PCLO: variants seen among roughly 807,000 people sequenced by gnomAD.
PCLO encodes piccolo presynaptic cytomatrix protein.
PCLO carries 82 observed loss-of-function variants against 427.5 expected under a neutral mutation model. The observed-to-expected ratio is 0.19, with a 90% CI of 0.16 to 0.23. The LOEUF (loss-of-function observed/expected upper bound fraction) is 0.23, where lower values mean the gene tolerates loss of function less well. Ranked by LOEUF, PCLO falls within the 10% of genes least tolerant of loss-of-function variation. The pLI, the probability that PCLO is intolerant of heterozygous loss-of-function variation, is 1.00. For synonymous variants in PCLO, 2,357 were observed against 2,155.4 expected (o/e 1.09, Z -2.59); for missense variants, 6,239 against 6,115.9 (o/e 1.02, Z -0.67).
intron 3 of PCLO, among the ~76,000 whole-genome samples, chr7:83,052,250 G>C (rs544670936): frequency 6.6e-6 from 1 of 152,044 alleles, no homozygotes; most frequent in South Asian, 2.1e-4. Flanking sequence ...TGGCCAGGGA[G>C]AGAGTGAGAT....
Position 83,156,317 on chromosome 7 carries a change from A to G in PCLO, c.324T>C (p.Pro108=). 1 of 1,613,420 alleles carries G rather than the reference A, an allele frequency of 6.2e-7. No individual in the cohort carries two copies. Among genetic ancestry groups the G allele is most frequent in the Non-Finnish European group, 8.5e-7 (1 of 1,179,694 alleles). The stretch of plus-strand genomic sequence containing the variant: ...CTGTAGTTCTACTTTTACTGAGACC[A>G]GGTTGAGCTGGACGCCCAGGGTCCG... ...RPPDPGRPAQ[P]GLSKSRTTDT... Residue 108 remains proline (P), a synonymous_variant, in exon 2 of 25, where the codon CCT becomes CCC. Coordinates refer to ENST00000333891, the MANE Select transcript of PCLO (RefSeq NM_033026.6).
At chr7:82,809,093 G>C (rs914297959) in intron 20 of PCLO, among the ~76,000 whole-genome samples, 2 of 151,758 alleles carry the variant, frequency 1.3e-5, no homozygotes, top group Non-Finnish European at 2.9e-5. Context: ...CTATTAAATT[G>C]AGCTAAATCT....
intron 3 of PCLO, among the ~76,000 whole-genome samples, chr7:82,995,214 A>G (rs1796468407): frequency 6.6e-6 from 1 of 152,028 alleles, no homozygotes; most frequent in Admixed American, 6.6e-5. Flanking sequence ...GACTGAAGCT[A>G]TATAGCCTTT....
chr7:82,773,116 T>C (rs886646060), intron 22 of PCLO, among the ~76,000 whole-genome samples: 1 of 152,156 alleles, frequency 6.6e-6, no homozygotes, highest in Non-Finnish European at 1.5e-5. Flanking sequence ...AGCATTTATA[T>C]TGACTTTTGA....
At chr7:83,005,612 A>C (rs1309385338) in intron 3 of PCLO, among the ~76,000 whole-genome samples, 5 of 151,670 alleles carry the variant, frequency 3.3e-5, no homozygotes, top group Non-Finnish European at 7.4e-5. Context: ...GCAAGCAAGG[A>C]AGAAAAGTAA....
intron 6 of PCLO, among the ~76,000 whole-genome samples, chr7:82,942,022 T>C (rs1450157943): frequency 3.3e-5 from 5 of 152,080 alleles, no homozygotes; most frequent in Non-Finnish European, 7.4e-5. Context: ...CTACTAAAAA[T>C]ACAAAAATTA....
At chr7:82,888,725 C>T (rs1294209630) in intron 9 of PCLO, among the ~76,000 whole-genome samples, 2 of 152,072 alleles carry the variant, frequency 1.3e-5, no homozygotes. Context: ...CATATTCTGG[C>T]CCTAGCTTTG....
chr7:83,014,504 C>T (rs1788159874), intron 3 of PCLO, among the ~76,000 whole-genome samples: 1 of 151,828 alleles, frequency 6.6e-6, no homozygotes, highest in Non-Finnish European at 1.5e-5. Context: ...AACTTCCAGT[C>T]CATAGCAAAA....
chr7:82,859,453 G>C (rs915673010), intron 10 of PCLO, among the ~76,000 whole-genome samples: 1 of 152,178 alleles, frequency 6.6e-6, no homozygotes, highest in Admixed American at 6.5e-5. Flanking sequence ...GAGAACAAGA[G>C]TCTCTGTCTG....
chr7:82,966,033 G>A lies in PCLO; in HGVS notation c.3755C>T (p.Ala1252Val). The A allele has an allele frequency of 1.9e-6, 3 of 1,613,324 alleles. No homozygotes were observed. The highest frequency in any genetic ancestry group is 2.5e-6 in the Non-Finnish European group (3 of 1,179,760). The change falls in exon 4 of 25, where the codon GCA becomes GTA. Residue 1252 changes from alanine (A) to valine (V), a missense_variant. Transcript: ENST00000333891. ...TPEDKKLLPEAKTSAPEEQKH... is the reference protein window; with the variant it reads ...TPEDKKLLPEVKTSAPEEQKH... The stretch of plus-strand genomic sequence containing the variant: ...CTGTTCTTCTGGGGCTGATGTTTTT[G>A]CCTCTGGGAGTAGCTTTTTGTCTTC...
intron 3 of PCLO, among the ~76,000 whole-genome samples, chr7:82,985,293 A>G (rs1796233572): frequency 6.6e-6 from 1 of 152,062 alleles, no homozygotes; most frequent in African/African-American, 2.4e-5. Context: ...ATTTAAGAGG[A>G]TCAAAAGAAT....
At chr7:82,790,137 T>C (rs568704328) in intron 22 of PCLO, among the ~76,000 whole-genome samples, 1 of 152,230 alleles carries the variant, frequency 6.6e-6, no homozygotes, top group Non-Finnish European at 1.5e-5. Context: ...TTCCAGTCCT[T>C]ATCTATTGAA....
At chr7:82,789,330 C>G (rs7787815) in intron 22 of PCLO, among the ~76,000 whole-genome samples, 126,726 of 152,194 alleles carry the variant, frequency 0.83, 52,872 homozygotes, top group East Asian at 0.93. Flanking sequence ...ATCGAAGAAG[C>G]ATCAATTAGA....
chr7:82,872,258 G>A (rs559293701), intron 10 of PCLO, among the ~76,000 whole-genome samples: 6 of 151,952 alleles, frequency 3.9e-5, no homozygotes, highest in African/African-American at 1.4e-4. Context: ...CCCTAAAATG[G>A]TTAAAAATAC....
chr7:83,073,765 A>T (rs1250619603), intron 3 of PCLO, among the ~76,000 whole-genome samples: 1 of 151,588 alleles, frequency 6.6e-6, no homozygotes, highest in South Asian at 2.1e-4. Flanking sequence ...TAAAGCTATT[A>T]AAAACTATTT....
At chr7:82,942,987 T>C (rs532643555) in intron 6 of PCLO, among the ~76,000 whole-genome samples, 13 of 152,154 alleles carry the variant, frequency 8.5e-5, no homozygotes, top group African/African-American at 3.1e-4. Flanking sequence ...CTAATAAATA[T>C]TATTATTATT....
chr7:82,904,390 C>G (rs955553988), intron 8 of PCLO, among the ~76,000 whole-genome samples: 2 of 151,662 alleles, frequency 1.3e-5, no homozygotes, highest in Non-Finnish European at 2.9e-5. Context: ...CCCCTCTTTT[C>G]TTTTCCTAAT....
rs560413459 is a variant in PCLO, at chr7:82,902,643, T to A, written c.13528+8A>T. On this transcript the variant is annotated splice_region_variant and intron_variant, in intron 9 of 24. Transcript: ENST00000333891. The stretch of plus-strand genomic sequence containing the variant: ...AAAAAAAATATTAGATTATATGATT[T>A]GCTTTACCTGAAACTGTGTGATCCT... 1 of 1,501,960 alleles carries A rather than the reference T, an allele frequency of 6.7e-7. No individual in the cohort carries two copies. The highest frequency in any genetic ancestry group is 9.2e-7 in the Non-Finnish European group (1 of 1,083,988). The allele number at this position is 1,501,960 out of a possible 1,614,324, so 93.0% of individuals were successfully genotyped here.
At chr7:82,840,769 T>C (rs1239573419) in intron 14 of PCLO, among the ~76,000 whole-genome samples, 1 of 151,994 alleles carries the variant, frequency 6.6e-6, no homozygotes, top group East Asian at 1.9e-4. Context: ...AAACATACTG[T>C]TTTCAATTAG....
Sources: allele counts gnomAD v4.1 joint callset (sites outside exome capture counted in the v4.1 genomes callset), GRCh38; gene constraint gnomAD v4.1.1; transcripts MANE v1.5; gene names NCBI Gene and HGNC (gene_info 2026-07-23, HGNC 2026-07-21).